The following USP8 variants were observed in gnomAD, a reference collection of about 807,000 sequenced individuals.
USP8 encodes ubiquitin carboxyl-terminal hydrolase 8.
Under a neutral mutation model 130.0 loss-of-function variants are expected in USP8, and 27 were observed. The observed-to-expected ratio is 0.21, with a 90% CI of 0.15 to 0.29. The LOEUF is 0.29. USP8 is among the 10% of genes least tolerant of loss of function. USP8 has a pLI of 1.00. For synonymous variants in USP8, 392 were observed against 444.1 expected (o/e 0.88, Z 1.48); for missense variants, 1,029 against 1,312.2 (o/e 0.78, Z 3.33).
intron 12 of USP8, among the ~76,000 whole-genome samples, chr15:50,485,167 G>A (rs569880554): frequency 6.6e-6 from 1 of 152,228 alleles, no homozygotes; most frequent in South Asian, 2.1e-4. Flanking sequence ...CATAGGCTTT[G>A]TATAAGACAT....
intron 4 of USP8, among the ~76,000 whole-genome samples, chr15:50,457,053 CTTA>C (rs1165918564): frequency 1.3e-5 from 2 of 152,128 alleles, no homozygotes; most frequent in Non-Finnish European, 2.9e-5. Flanking sequence ...CATGAATGAT[CTTA>C]TTGATAGATG....
At chr15:50,447,099 T>C (rs2050468146) in intron 3 of USP8, among the ~76,000 whole-genome samples, 1 of 152,266 alleles carries the variant, frequency 6.6e-6, no homozygotes, top group Non-Finnish European at 1.5e-5. Flanking sequence ...GAATTAGAGC[T>C]CAGGTCCAGT....
At chr15:50,468,905 T>C (rs969589092) in intron 7 of USP8, among the ~76,000 whole-genome samples, 1 of 152,166 alleles carries the variant, frequency 6.6e-6, no homozygotes, top group Non-Finnish European at 1.5e-5. Flanking sequence ...AGAAACAATG[T>C]TATCATCCCC....
chr15:50,500,987 CCTGA>C lies in USP8; in HGVS notation c.*1903_*1906del. ...TTTTGTTGTTAAATCATGCATATAG[CCTGA>C]CTGCTATATTGCTTCTCATTTCATT... On this transcript the variant is annotated 3_prime_UTR_variant, in exon 20 of 20. Transcript: ENST00000307179. 1.6e-6 allele frequency: 1 copy of C among 641,408 alleles called. No individual in the cohort carries two copies. Among genetic ancestry groups the C allele is most frequent in the African/African-American group, 1.8e-5 (1 of 55,248 alleles). 39.7% of individuals were successfully genotyped at this position (641,408 alleles called of 1,614,324 possible). A position where few individuals can be genotyped will look rare whatever the true frequency, so the allele number is the denominator to read the frequency against.
rs1596002759 is a variant in USP8, at chr15:50,504,049, T to A, written c.*4961T>A. ...GTTGGCCGTCCATATTTACGGGCTC[T>A]GCATCTTCAGAATCAACTAATGTGA... On this transcript the variant is annotated 3_prime_UTR_variant, in exon 20 of 20. Coordinates refer to ENST00000307179, the MANE Select transcript of USP8 (RefSeq NM_005154.5). The A allele has an allele frequency of 6.6e-6, 1 of 152,318 alleles. No individual in the cohort carries two copies. The highest frequency in any genetic ancestry group is 1.9e-4 in the East Asian group (1 of 5,190). The allele number at this position is 152,318 out of a possible 1,614,324, so 9.4% of individuals were successfully genotyped here. A position where few individuals can be genotyped will look rare whatever the true frequency, so the allele number is the denominator to read the frequency against.
At chr15:50,432,979 C>T (rs572216157) in intron 1 of USP8, among the ~76,000 whole-genome samples, 17 of 152,320 alleles carry the variant, frequency 1.1e-4, no homozygotes, top group African/African-American at 3.1e-4. Context: ...CGATGGCTCA[C>T]GCCTGTAATC....
chr15:50,490,449 C>G lies in USP8; in HGVS notation c.2158C>G (p.Pro720Ala), dbSNP rs1425703534. The change falls in exon 14 of 20, where the codon CCA (proline) becomes GCA (alanine). Residue 720 changes from proline to alanine, a missense_variant. Coordinates refer to ENST00000307179, the MANE Select transcript of USP8 (RefSeq NM_005154.5). ...CAAACTGAAGCGCTCCTACTCCTCC[C>G]CAGATATAACCCAGGCTATTCAAGA... is the stretch of plus-strand genomic sequence containing the variant. Reference protein sequence around the residue: ...PSKLKRSYSSPDITQAIQEEE... With the variant: ...PSKLKRSYSSADITQAIQEEE... The G allele has an allele frequency of 1.2e-6, 2 of 1,614,142 alleles. No individual in the cohort carries two copies. The highest frequency in any genetic ancestry group is 1.1e-5 in the South Asian group (1 of 91,078).
intron 15 of USP8, 155 bp from the exon 16 acceptor site, chr15:50,493,915 G>A (rs1192919088): frequency 1.1e-6 from 1 of 921,208 alleles, no homozygotes; most frequent in Non-Finnish European, 1.8e-6. Flanking sequence ...GTCAGATTCA[G>A]ATGAGAATCT....
rs1230670920 is a variant in USP8, at chr15:50,505,228, A to G, written c.*6140A>G. On this transcript the variant is annotated 3_prime_UTR_variant, in exon 20 of 20. Transcript: ENST00000307179. ...TAGGAAATGCAGCGAGCCAGGGATA[A>G]ATAAAAATAATACTGCAGAACAACA... is the stretch of plus-strand genomic sequence containing the variant. 6.6e-6 allele frequency: 1 copy of G among 152,168 alleles called. No homozygotes were observed. The highest frequency in any genetic ancestry group is 2.4e-5 in the African/African-American group (1 of 41,446). The allele number at this position is 152,168 out of a possible 1,614,324, so 9.4% of individuals were successfully genotyped here.
chr15:50,440,730 C>A (rs562770488), intron 2 of USP8, among the ~76,000 whole-genome samples: 1 of 152,006 alleles, frequency 6.6e-6, no homozygotes, highest in African/African-American at 2.4e-5. Flanking sequence ...TGGCTAGGCG[C>A]GGTGGCTCAT....
chr15:50,444,608 A>G (rs1343443564), intron 3 of USP8: 4 of 152,082 alleles, frequency 2.6e-5, no homozygotes. Flanking sequence ...ATGTAGGCAG[A>G]GAAGTCCAGG....
intron 6 of USP8, 40 bp from the exon 7 acceptor site, chr15:50,465,007 G>A (rs1452801137): frequency 6.2e-7 from 1 of 1,605,910 alleles, no homozygotes; most frequent in Non-Finnish European, 8.5e-7. Flanking sequence ...CACATCTTGT[G>A]CTGTTTCTTG....
chr15:50,505,598 C>T lies in USP8; in HGVS notation c.*6510C>T, dbSNP rs547728146. ...TTAACAAAAAAGACTGATGAAGATC[C>T]GGGCAAATATAACCCAATATGAACA... On this transcript the variant is annotated 3_prime_UTR_variant, in exon 20 of 20. Transcript: ENST00000307179. 1 of 152,148 alleles carries T rather than the reference C, an allele frequency of 6.6e-6. No individual in the cohort carries two copies. The highest frequency in any genetic ancestry group is 1.5e-5 in the Non-Finnish European group (1 of 68,022). The allele number at this position is 152,148 out of a possible 1,614,324, so 9.4% of individuals were successfully genotyped here.
intron 1 of USP8, among the ~76,000 whole-genome samples, chr15:50,435,030 C>G (rs2050054025): frequency 6.6e-6 from 1 of 152,172 alleles, no homozygotes; most frequent in Non-Finnish European, 1.5e-5. Flanking sequence ...GTATAAGTAT[C>G]AATGGGTTTG....
intron 10 of USP8, among the ~76,000 whole-genome samples, chr15:50,478,650 T>C (rs1386693542): frequency 1.3e-5 from 2 of 152,250 alleles, no homozygotes; most frequent in Non-Finnish European, 2.9e-5. Flanking sequence ...CTCTATGTTA[T>C]TGCATTTCCT....
chr15:50,493,924 C>A, intron 15 of USP8, 146 bp from the exon 16 acceptor site: 1 of 969,034 alleles, frequency 1.0e-6, no homozygotes. Flanking sequence ...AGATGAGAAT[C>A]TGGTGGTGAG....
intron 1 of USP8, among the ~76,000 whole-genome samples, chr15:50,425,096 A>G (rs1380378287): frequency 6.6e-6 from 1 of 152,108 alleles, no homozygotes; most frequent in Non-Finnish European, 1.5e-5. Flanking sequence ...CCTTACTAGC[A>G]GTGATGTGCA....
intron 12 of USP8, among the ~76,000 whole-genome samples, chr15:50,488,026 A>G (rs191605849): frequency 1.1e-4 from 16 of 152,184 alleles, no homozygotes; most frequent in Admixed American, 1.3e-4. Flanking sequence ...ACTTTTTTTA[A>G]ATGACATTTG....
chr15:50,424,979 T>C (rs2049659558), intron 1 of USP8, among the ~76,000 whole-genome samples: 1 of 149,216 alleles, frequency 6.7e-6, no homozygotes, highest in Non-Finnish European at 1.5e-5. Flanking sequence ...AAACTATGAC[T>C]TCCTCAAATA....
Sources: allele counts gnomAD v4.1 joint callset (sites outside exome capture counted in the v4.1 genomes callset), GRCh38; gene constraint gnomAD v4.1.1; transcripts MANE v1.5; gene names NCBI Gene and HGNC (gene_info 2026-07-23, HGNC 2026-07-21).